MAPK10: variants seen among roughly 807,000 people sequenced by gnomAD.
The protein encoded by MAPK10 is mitogen-activated protein kinase 10, also known as JNK3 alpha protein kinase.
Under a neutral mutation model 59.3 loss-of-function variants are expected in MAPK10, and 25 were observed. The ratio of observed to expected loss-of-function variants is 0.42; its 90% CI spans 0.31 to 0.59. The LOEUF is 0.59. Among genes scored for constraint, MAPK10 ranks in the 20% least tolerant of loss-of-function variants. The probability of loss-of-function intolerance (pLI) is 0.15; values close to 1 mark genes in which losing one functional copy is unlikely to be tolerated. For synonymous variants in MAPK10, 190 were observed against 200.5 expected (o/e 0.95, Z 0.44); for missense variants, 351 against 568.9 (o/e 0.62, Z 3.90).
chr4:86,433,017 CA>C (rs1748245607), intron 1 of MAPK10, among the ~76,000 whole-genome samples: 1 of 152,132 alleles, frequency 6.6e-6, no homozygotes, highest in Non-Finnish European at 1.5e-5. Flanking sequence ...ATTATGGTCT[CA>C]GGATCAACTG....
intron 2 of MAPK10, among the ~76,000 whole-genome samples, chr4:86,247,598 A>C (rs1236980075): frequency 6.6e-6 from 1 of 152,126 alleles, no homozygotes; most frequent in Non-Finnish European, 1.5e-5. Flanking sequence ...TAAATCAACA[A>C]ATTACCATAA....
chr4:86,443,255 T>G (rs1274895793), intron 1 of MAPK10, among the ~76,000 whole-genome samples: 1 of 152,236 alleles, frequency 6.6e-6, no homozygotes, highest in South Asian at 2.1e-4. Flanking sequence ...AAAAATTCCC[T>G]TGTGTTTCCA....
intron 2 of MAPK10, chr4:86,300,650 A>C (rs538806314): frequency 1.3e-5 from 2 of 152,336 alleles, no homozygotes; most frequent in South Asian, 4.1e-4. Context: ...TCCATGTGCT[A>C]TATTTGTAGA....
At chr4:86,324,042 G>A (rs1007074174) in intron 2 of MAPK10, among the ~76,000 whole-genome samples, 2 of 152,086 alleles carry the variant, frequency 1.3e-5, no homozygotes, top group Admixed American at 6.6e-5. Flanking sequence ...GAGGTAGAAA[G>A]TTCCCAGCAA....
At chr4:86,402,179 T>C (rs1485464015) in intron 1 of MAPK10, among the ~76,000 whole-genome samples, 1 of 152,146 alleles carries the variant, frequency 6.6e-6, no homozygotes, top group Non-Finnish European at 1.5e-5. Context: ...CTTTTTTTTT[T>C]TCACTTCACT....
chr4:86,084,909 A>G lies in MAPK10; in HGVS notation c.802+13615T>C, dbSNP rs980268738. Among the ~76,000 whole-genome samples, 13 of 152,348 alleles carry G rather than the reference A, an allele frequency of 8.5e-5. No homozygotes were observed. In the East Asian group the frequency reaches 2.5e-3, roughly 29 times the overall value. Reference sequence around the variant, plus strand: ...TGGCATAAAAACAGACACATAGATCAATAGAACAGAAGATAGAACCCAGAA... The same window carrying G: ...TGGCATAAAAACAGACACATAGATCGATAGAACAGAAGATAGAACCCAGAA... On this transcript the variant is annotated intron_variant, in intron 9 of 13. Coordinates refer to ENST00000641462, the MANE Select transcript of MAPK10 (RefSeq NM_138982.4).
chr4:86,090,441 C>G (rs1206688783), intron 9 of MAPK10: 1 of 151,946 alleles, frequency 6.6e-6, no homozygotes, highest in Non-Finnish European at 1.5e-5. Flanking sequence ...GTGATCACTG[C>G]AAAGAAACGG....
At chr4:86,320,902 A>G (rs552095450) in intron 2 of MAPK10, among the ~76,000 whole-genome samples, 16 of 152,272 alleles carry the variant, frequency 1.1e-4, no homozygotes, top group Non-Finnish European at 1.9e-4. Context: ...AAAACAAACA[A>G]CCCCATCAAA....
intron 1 of MAPK10, among the ~76,000 whole-genome samples, chr4:86,382,695 C>T (rs570653024): frequency 2.6e-5 from 4 of 152,294 alleles, no homozygotes; most frequent in African/African-American, 4.8e-5. Flanking sequence ...CCATACATTT[C>T]TTTGAGAGTA....
At chr4:86,493,328 T>C (rs1754623435) in intron 1 of MAPK10, among the ~76,000 whole-genome samples, 1 of 152,254 alleles carries the variant, frequency 6.6e-6, no homozygotes, top group Non-Finnish European at 1.5e-5. Context: ...GGTGTCCTAG[T>C]AAGTTATTAT....
At chr4:86,587,124 CAT>C (rs1443800412) in intron 1 of MAPK10, among the ~76,000 whole-genome samples, 2 of 152,192 alleles carry the variant, frequency 1.3e-5, no homozygotes, top group African/African-American at 4.8e-5. Flanking sequence ...TACAGGCTAT[CAT>C]GTGTGGAACA....
At chr4:86,109,361 A>G (rs904349381) in intron 4 of MAPK10, among the ~76,000 whole-genome samples, 1 of 152,036 alleles carries the variant, frequency 6.6e-6, no homozygotes, top group Non-Finnish European at 1.5e-5. Flanking sequence ...TGCATTAGCT[A>G]TTTTTCCTGA....
intron 2 of MAPK10, among the ~76,000 whole-genome samples, chr4:86,344,143 G>A (rs2148945928): frequency 6.6e-6 from 1 of 152,262 alleles, no homozygotes; most frequent in South Asian, 2.1e-4. Context: ...CTGGGTAGAA[G>A]CTGAGTTTAG....
At chr4:86,124,472 T>C (rs1432092165) in intron 4 of MAPK10, 1 of 137,082 alleles carries the variant, frequency 7.3e-6, no homozygotes, top group African/African-American at 3.5e-5. Flanking sequence ...CTTTGGGTGC[T>C]TTTTTTTTGC....
intron 4 of MAPK10, among the ~76,000 whole-genome samples, chr4:86,126,635 T>C (rs780705830): frequency 3.3e-5 from 5 of 152,098 alleles, no homozygotes; most frequent in Non-Finnish European, 7.4e-5. Context: ...CTAGCTAAGA[T>C]ATTTTTCCCA....
intron 2 of MAPK10, among the ~76,000 whole-genome samples, chr4:86,263,994 C>T (rs948754695): frequency 6.6e-6 from 1 of 152,120 alleles, no homozygotes; most frequent in East Asian, 1.9e-4. Flanking sequence ...TATGAATTCA[C>T]AATAACAAAT....
At chr4:86,376,024 T>C (rs528787285) in intron 1 of MAPK10, among the ~76,000 whole-genome samples, 3 of 152,300 alleles carry the variant, frequency 2.0e-5, no homozygotes, top group African/African-American at 7.2e-5. Context: ...TATTATCTCA[T>C]TCTACCATTA....
Position 86,014,265 on chromosome 4 carries a change from C to T in MAPK10, c.*2963G>A, listed in dbSNP as rs1742352131. On this transcript the variant is annotated 3_prime_UTR_variant, in exon 14 of 14. Coordinates refer to ENST00000641462, the MANE Select transcript of MAPK10 (RefSeq NM_138982.4). Reference sequence around the variant, plus strand: ...TGCCTACCGGAAAAGTTGGGATGTTCTTGGGAAATAACAGGTGACTATTTA... The same window carrying T: ...TGCCTACCGGAAAAGTTGGGATGTTTTTGGGAAATAACAGGTGACTATTTA... The T allele has an allele frequency of 6.7e-6, 1 of 149,174 alleles. No homozygotes were observed. The highest frequency in any genetic ancestry group is 2.5e-5 in the African/African-American group (1 of 40,128). The allele number at this position is 149,174 out of a possible 1,614,324, so 9.2% of individuals were successfully genotyped here. A position where few individuals can be genotyped will look rare whatever the true frequency, so the allele number is the denominator to read the frequency against.
chr4:86,580,398 C>G (rs1762182670), intron 1 of MAPK10, among the ~76,000 whole-genome samples: 1 of 151,902 alleles, frequency 6.6e-6, no homozygotes, highest in South Asian at 2.1e-4. Flanking sequence ...ACTTGGGAGG[C>G]TGAGGCAGGA....
Sources: allele counts gnomAD v4.1 joint callset (sites outside exome capture counted in the v4.1 genomes callset), GRCh38; gene constraint gnomAD v4.1.1; transcripts MANE v1.5; gene names NCBI Gene and HGNC (gene_info 2026-07-23, HGNC 2026-07-21).